The following SMYD3 variants were observed in gnomAD, a reference collection of about 807,000 sequenced individuals.
SMYD3 encodes the protein histone-lysine N-methyltransferase SMYD3.
In SMYD3, 36 loss-of-function variants were observed where a neutral mutation model predicts 57.7. That is an observed-to-expected ratio of 0.62 (90% CI 0.48 to 0.82). The LOEUF (loss-of-function observed/expected upper bound fraction) is 0.82, where lower values mean the gene tolerates loss of function less well. Ranked by LOEUF, SMYD3 falls within the 40% of genes least tolerant of loss-of-function variation. The pLI is 0.00. For missense variants in SMYD3, 515 were observed against 538.8 expected, an observed-to-expected ratio of 0.96 and a Z score of 0.44; for synonymous variants, 211 against 195.0, an observed-to-expected ratio of 1.08 and a Z score of -0.68.
At chr1:246,271,528 G>A (rs556683074) in intron 5 of SMYD3, among the ~76,000 whole-genome samples, 2 of 152,250 alleles carry the variant, frequency 1.3e-5, no homozygotes, top group East Asian at 3.9e-4. Context: ...ATACCCAGTT[G>A]TCCTGGCACC....
chr1:246,415,308 G>A (rs2067043816), intron 1 of SMYD3, among the ~76,000 whole-genome samples: 1 of 152,156 alleles, frequency 6.6e-6, no homozygotes, highest in East Asian at 1.9e-4. Flanking sequence ...AGATGCAAAG[G>A]GAAAGGCAAG....
intron 5 of SMYD3, among the ~76,000 whole-genome samples, chr1:246,031,405 A>G (rs1186630007): frequency 1.3e-5 from 2 of 152,278 alleles, no homozygotes; most frequent in South Asian, 2.1e-4. Context: ...CAATAGAAAT[A>G]ACATTGATCC....
At chr1:246,506,893 G>A (rs1175456786) in intron 1 of SMYD3, among the ~76,000 whole-genome samples, 161 bp downstream of exon 1, 1 of 151,856 alleles carries the variant, frequency 6.6e-6, no homozygotes, top group Non-Finnish European at 1.5e-5. Context: ...TGTCAGCAGC[G>A]ACCCGCCCCC....
At chr1:246,217,795 T>C (rs1454119692) in intron 5 of SMYD3, among the ~76,000 whole-genome samples, 4 of 152,150 alleles carry the variant, frequency 2.6e-5, no homozygotes, top group Non-Finnish European at 5.9e-5. Flanking sequence ...TGGCAACAGT[T>C]TTTAAATCCC....
intron 5 of SMYD3, among the ~76,000 whole-genome samples, chr1:246,280,118 T>A (rs886817312): frequency 6.6e-6 from 1 of 152,204 alleles, no homozygotes; most frequent in African/African-American, 2.4e-5. Flanking sequence ...TATAGTAGCA[T>A]GAGGTGATTT....
At chr1:245,933,682 A>T (rs1173336492) in intron 5 of SMYD3, among the ~76,000 whole-genome samples, 1 of 152,208 alleles carries the variant, frequency 6.6e-6, no homozygotes, top group African/African-American at 2.4e-5. Flanking sequence ...CAAATAGCAA[A>T]ATCAATACCA....
intron 5 of SMYD3, among the ~76,000 whole-genome samples, chr1:245,970,750 C>G (rs569415145): frequency 6.6e-6 from 1 of 152,274 alleles, no homozygotes; most frequent in East Asian, 1.9e-4. Context: ...CAGTGAGATA[C>G]CATCTCACAC....
intron 1 of SMYD3, among the ~76,000 whole-genome samples, chr1:246,468,965 T>TG (rs1319637871): frequency 6.6e-6 from 1 of 152,178 alleles, no homozygotes; most frequent in Non-Finnish European, 1.5e-5. Flanking sequence ...AACAAGACTG[T>TG]GCCTTCAGTC....
intron 8 of SMYD3, among the ~76,000 whole-genome samples, chr1:245,865,103 CAT>C (rs907467482): frequency 4.7e-4 from 71 of 152,212 alleles, no homozygotes; most frequent in African/African-American, 1.6e-3. Flanking sequence ...CTGAAAACCA[CAT>C]GTGTGCACAA....
intron 5 of SMYD3, among the ~76,000 whole-genome samples, chr1:246,236,880 G>A (rs1436774156): frequency 6.6e-6 from 1 of 152,138 alleles, no homozygotes; most frequent in Non-Finnish European, 1.5e-5. Flanking sequence ...TTCTGAAAAT[G>A]CACAAAGACT....
intron 8 of SMYD3, among the ~76,000 whole-genome samples, chr1:245,913,347 C>T (rs1389951935): frequency 1.0e-3 from 130 of 127,050 alleles, no homozygotes; most frequent in Admixed American, 2.3e-3. Flanking sequence ...GAACATCACA[C>T]ACCGGGGCCT....
intron 5 of SMYD3, among the ~76,000 whole-genome samples, chr1:246,161,739 A>G (rs1193843631): frequency 6.6e-6 from 1 of 152,188 alleles, no homozygotes; most frequent in African/African-American, 2.4e-5. Flanking sequence ...CTGGCCAATG[A>G]CAGTATATTT....
chr1:245,983,997 T>C (rs1016610858), intron 5 of SMYD3, among the ~76,000 whole-genome samples: 1 of 144,780 alleles, frequency 6.9e-6, no homozygotes, highest in Non-Finnish European at 1.5e-5. Context: ...TCAAGTCTAC[T>C]CTTTTTTTTT....
intron 5 of SMYD3, among the ~76,000 whole-genome samples, chr1:246,161,870 G>T (rs552587632): frequency 2.1e-4 from 32 of 152,232 alleles, no homozygotes; most frequent in African/African-American, 7.7e-4. Context: ...CCAATAGCAG[G>T]CTTCAAGCCA....
At chr1:246,448,117 T>G (rs2067575112) in intron 1 of SMYD3, among the ~76,000 whole-genome samples, 1 of 152,176 alleles carries the variant, frequency 6.6e-6, no homozygotes, top group South Asian at 2.1e-4. Flanking sequence ...CTCGGGAGGC[T>G]GAGGCAGGAG....
intron 5 of SMYD3, among the ~76,000 whole-genome samples, chr1:246,081,772 A>C (rs2060640956): frequency 6.6e-6 from 1 of 152,152 alleles, no homozygotes; most frequent in African/African-American, 2.4e-5. Flanking sequence ...AAAAAATTTA[A>C]AATAACCTGA....
intron 5 of SMYD3, among the ~76,000 whole-genome samples, chr1:246,008,648 C>T (rs1489657747): frequency 1.3e-5 from 2 of 152,126 alleles, no homozygotes; most frequent in Non-Finnish European, 2.9e-5. Context: ...TCTCGAGCAA[C>T]GCAGGGAGGG....
intron 1 of SMYD3, among the ~76,000 whole-genome samples, chr1:246,387,840 C>G (rs1025748358): frequency 1.2e-4 from 15 of 128,154 alleles, no homozygotes; most frequent in Admixed American, 2.3e-4. Context: ...AATGAAAAAG[C>G]ATTCATTCTT....
chr1:246,489,857 C>A (rs1232725348), intron 1 of SMYD3, among the ~76,000 whole-genome samples: 1 of 152,028 alleles, frequency 6.6e-6, no homozygotes, highest in Non-Finnish European at 1.5e-5. Flanking sequence ...TTTTTTGAGA[C>A]AGAGTCTCGC....
Sources: gnomAD v4.1 joint callset for allele counts (sites outside exome capture counted in the v4.1 genomes callset) on GRCh38, gnomAD v4.1.1 for gene constraint, MANE v1.5 for transcripts, NCBI Gene and HGNC (gene_info 2026-07-23, HGNC 2026-07-21) for gene names.